Variants in CROCC2 observed in about 807,000 individuals in gnomAD.
CROCC2 encodes ciliary rootlet coiled-coil, rootletin family member 2, also known as ciliary rootlet coiled-coil protein 2.
CROCC2 carries 163 observed loss-of-function variants against 177.6 expected under a neutral mutation model. The ratio of observed to expected loss-of-function variants is 0.92; its 90% CI spans 0.81 to 1.05. The LOEUF is 1.05. Among genes scored for constraint, CROCC2 ranks in the 50% least tolerant of loss-of-function variants. The probability of loss-of-function intolerance (pLI) is 0.00; values close to 1 mark genes in which losing one functional copy is unlikely to be tolerated. For synonymous variants in CROCC2, 904 were observed against 787.3 expected (o/e 1.15, Z -2.48); for missense variants, 1,929 against 1,797.8 (o/e 1.07, Z -1.32).
intron 13 of CROCC2, 138 bp downstream of exon 13, chr2:240,935,200 T>G: frequency 7.4e-6 from 9 of 1,219,352 alleles, no homozygotes; most frequent in Non-Finnish European, 7.4e-6. Context: ...CAAGGGAGCC[T>G]GACTAGCCCT....
chr2:240,942,849 T>G (rs2059502123), intron 14 of CROCC2, among the ~76,000 whole-genome samples: 1 of 152,144 alleles, frequency 6.6e-6, no homozygotes, highest in Non-Finnish European at 1.5e-5. Context: ...TATTTTCTTT[T>G]TATTTATTGT....
intron 5 of CROCC2, among the ~76,000 whole-genome samples, chr2:240,926,389 A>C (rs1007092698): frequency 1.3e-5 from 2 of 152,188 alleles, no homozygotes; most frequent in African/African-American, 2.4e-5. Flanking sequence ...GGAGACATCC[A>C]GGTGTTCATG....
rs1207188737 is a variant in CROCC2 at position 240,933,309 on chromosome 2, A to C, written c.1430A>C (p.Gln477Pro). The stretch of plus-strand genomic sequence containing the variant: ...CTGGAGGCCCAGAGGCTCGAGGTGC[A>C]GCAGTGCCGGGCATCCTGCAAGCTC... ...GQLEAQRLEV[Q>P]QCRASCKLLG... The change falls in exon 10 of 32, where the codon CAG becomes CCG. Residue 477 changes from glutamine to proline, a missense_variant. This residue lies in a region of CROCC2 where 1,397 missense variants were observed against 1,239.9 expected (regional missense o/e 1.13). Transcript: ENST00000690015. 6.5e-7 allele frequency: 1 copy of C among 1,538,930 alleles called. No homozygotes were observed. Among genetic ancestry groups the C allele is most frequent in the Non-Finnish European group, 8.7e-7 (1 of 1,143,788 alleles).
intron 14 of CROCC2, among the ~76,000 whole-genome samples, chr2:240,941,849 A>G (rs2059496639): frequency 6.6e-6 from 1 of 152,222 alleles, no homozygotes; most frequent in Non-Finnish European, 1.5e-5. Flanking sequence ...TGGGACCTTT[A>G]AGAGGTGATT....
rs558369204 is a variant in CROCC2 at position 240,918,815 on chromosome 2, C to T, written c.168C>T (p.Thr56=). 7.4e-5 allele frequency: 46 copies of T among 620,130 alleles called. 2 individuals carry two copies. In the South Asian group the frequency reaches 8.8e-4, roughly 12 times the overall value. 38.4% of individuals were successfully genotyped at this position (620,130 alleles called of 1,614,324 possible). ...VRGEGRQASP[T]PVPTRIREIV... ...GGGAAGGCCGGCAGGCCTCGCCCAC[C>T]CCCGTGCCCACCCGCATCCGTGAGA... Residue 56 remains threonine, a synonymous_variant, in exon 2 of 32, where the codon ACC becomes ACT. Coordinates refer to ENST00000690015, the MANE Select transcript of CROCC2 (RefSeq NM_001351305.2). The surrounding 1 kb of genome is among the most constrained non-coding windows in gnomAD (Gnocchi z 6.3).
At chr2:240,930,406 G>A (rs1281563296) in intron 6 of CROCC2, 137 bp downstream of exon 6, 1 of 428,594 alleles carries the variant, frequency 2.3e-6, no homozygotes. Flanking sequence ...TTCTCACCCA[G>A]CCCTGGCTGG....
chr2:240,912,503 A>G (rs906164769), intron 1 of CROCC2, among the ~76,000 whole-genome samples: 1 of 152,182 alleles, frequency 6.6e-6, no homozygotes, highest in Non-Finnish European at 1.5e-5. Flanking sequence ...AAAGGACACA[A>G]CTCAGGACTA....
Position 240,982,635 on chromosome 2 carries a change from G to A in CROCC2, c.4402-245G>A, listed in dbSNP as rs931930533. ...CTGCCAAGCCCAAGTCTTTGCCCAC[G>A]CTAGACCAGACCCCCAGGACTTTCG... On this transcript the variant is annotated intron_variant, in intron 27 of 31. Transcript: ENST00000690015. The surrounding 1 kb of genome is among the most constrained non-coding windows in gnomAD (Gnocchi z 4.7). The A allele has an allele frequency of 2.3e-6, 1 of 439,590 alleles. No homozygotes were observed. Among genetic ancestry groups the A allele is most frequent in the Non-Finnish European group, 4.0e-6 (1 of 247,488 alleles). 27.2% of individuals were successfully genotyped at this position (439,590 alleles called of 1,614,324 possible).
rs1054895320 is a variant in CROCC2, at chr2:240,917,197, G to A, written c.79-1529G>A. On this transcript the variant is annotated intron_variant, in intron 1 of 31. Transcript: ENST00000690015. This position sits in a 1 kb window ranked among gnomAD's most constrained non-coding sequence, Gnocchi z 4.9. ...AGACCTCAGCTGATAGTGGGGAGGCGTTTGCTGAGTGGCTGCCCTTTGCAG... is the reference window on the plus strand; with the variant it reads ...AGACCTCAGCTGATAGTGGGGAGGCATTTGCTGAGTGGCTGCCCTTTGCAG... 2.6e-5 allele frequency among the ~76,000 whole-genome samples: 4 copies of A among 151,904 alleles called. No homozygotes were observed. The highest frequency in any genetic ancestry group is 2.6e-4 in the Admixed American group (4 of 15,276).
In CROCC2 at chr2:240,949,740, G is replaced by A. The variant is rs1181292936; in HGVS notation, c.2652+38G>A. ...GGAGCCCACCAGTAGCTTCCTAGAA[G>A]GCTACCAGGTCCCGGGGAATGGCAG... is the stretch of plus-strand genomic sequence containing the variant. On this transcript the variant is annotated intron_variant, in intron 17 of 31. Coordinates refer to ENST00000690015, the MANE Select transcript of CROCC2 (RefSeq NM_001351305.2). This position sits in a 1 kb window ranked among gnomAD's most constrained non-coding sequence, Gnocchi z 4.5. 1 of 1,512,186 alleles carries A rather than the reference G, an allele frequency of 6.6e-7. No individual in the cohort carries two copies. The highest frequency in any genetic ancestry group is 8.9e-7 in the Non-Finnish European group (1 of 1,123,564). The allele number at this position is 1,512,186 out of a possible 1,614,324, so 93.7% of individuals were successfully genotyped here.
chr2:240,938,423 T>C (rs2059481246), intron 14 of CROCC2, among the ~76,000 whole-genome samples: 1 of 152,268 alleles, frequency 6.6e-6, no homozygotes, highest in Non-Finnish European at 1.5e-5. Flanking sequence ...AGTCAATCTA[T>C]TCATTCTTTC....
rs2059326842 is a variant in CROCC2, at chr2:240,917,257, C to T, written c.79-1469C>T. ...GTCGGAATAGGGCCTCTCCAGGCGC[C>T]ATGCTGAGCCTGGGTCTGCGGTGAC... On this transcript the variant is annotated intron_variant, in intron 1 of 31. Transcript: ENST00000690015. This position sits in a 1 kb window ranked among gnomAD's most constrained non-coding sequence, Gnocchi z 4.9. 7.4e-6 allele frequency among the ~76,000 whole-genome samples: 1 copy of T among 136,004 alleles called. No homozygotes were observed. 89.2% of individuals were successfully genotyped at this position (136,004 alleles called of 152,430 possible).
chr2:240,911,046 G>A (rs1251343304), intron 1 of CROCC2, among the ~76,000 whole-genome samples: 17 of 152,072 alleles, frequency 1.1e-4, no homozygotes, highest in South Asian at 2.1e-4. Context: ...CAGGAGAATC[G>A]CTTGAACCCA....
At position 240,982,723 on chromosome 2, in the gene CROCC2, C is replaced by T. The variant is rs1283201170; in HGVS notation, c.4402-157C>T. 8.0e-6 allele frequency: 5 copies of T among 621,552 alleles called. No individual in the cohort carries two copies. Among genetic ancestry groups the T allele is most frequent in the South Asian group, 2.1e-5 (1 of 47,588 alleles). The allele number at this position is 621,552 out of a possible 1,614,324, so 38.5% of individuals were successfully genotyped here. On this transcript the variant is annotated intron_variant, in intron 27 of 31. Transcript: ENST00000690015. This position sits in a 1 kb window ranked among gnomAD's most constrained non-coding sequence, Gnocchi z 4.7. Reference sequence around the variant, plus strand: ...ATTGCAAACACAATCACCTGATCAACGCACTTCAGGTTGTCCTTAACCACG... The same window carrying T: ...ATTGCAAACACAATCACCTGATCAATGCACTTCAGGTTGTCCTTAACCACG...
Position 240,991,278 on chromosome 2 carries a change from A to G in CROCC2, c.4946A>G (p.His1649Arg), listed in dbSNP as rs892585255. The G allele has an allele frequency of 1.9e-6, 3 of 1,547,644 alleles. No homozygotes were observed. The highest frequency in any genetic ancestry group is 2.6e-6 in the Non-Finnish European group (3 of 1,145,446). The change falls in exon 31 of 32, where the codon CAC becomes CGC. Residue 1649 changes from histidine (H) to arginine (R), a missense_variant and splice_region_variant. Transcript: ENST00000690015. ...AHLGQAFQTG[H>R]AQRD ...CTCGGCCAGGCCTTCCAGACAGGAC[A>G]GTGAGCCCTGCTGCATACCACCCAG...
intron 19 of CROCC2, among the ~76,000 whole-genome samples, chr2:240,957,083 G>A (rs2059596017): frequency 2.0e-5 from 3 of 152,134 alleles, no homozygotes; most frequent in Non-Finnish European, 1.5e-5. Flanking sequence ...GGGTGCCCTG[G>A]GCAGGGAGGG....
chr2:240,938,616 T>C (rs7568049), intron 14 of CROCC2, among the ~76,000 whole-genome samples: 4,849 of 152,328 alleles, frequency 0.032, 252 homozygotes, highest in African/African-American at 0.11. Flanking sequence ...AATAGCCTAC[T>C]AGGAGTTTGA....
Position 240,906,969 on chromosome 2 carries a change from G to A in CROCC2, c.78+378G>A, listed in dbSNP as rs868334608. Among the ~76,000 whole-genome samples, 3 of 79,566 alleles carry A rather than the reference G, an allele frequency of 3.8e-5. 1 individual carries two copies. In the South Asian group the frequency reaches 1.2e-3, roughly 32 times the overall value. The allele number at this position is 79,566 out of a possible 152,430, so 52.2% of individuals were successfully genotyped here. A position where few individuals can be genotyped will look rare whatever the true frequency, so the allele number is the denominator to read the frequency against. On this transcript the variant is annotated intron_variant, in intron 1 of 31. Coordinates refer to ENST00000690015, the MANE Select transcript of CROCC2 (RefSeq NM_001351305.2). ...GTCCCTGGCAGCCACAGGTTTGCAGGGTGGAGAGAGAGCCCGGGGCCGCTG... is the reference window on the plus strand; with the variant it reads ...GTCCCTGGCAGCCACAGGTTTGCAGAGTGGAGAGAGAGCCCGGGGCCGCTG...
intron 18 of CROCC2, among the ~76,000 whole-genome samples, chr2:240,952,592 G>A (rs4605365): frequency 0.65 from 98,986 of 151,938 alleles, 32,934 homozygotes; most frequent in African/African-American, 0.76. Flanking sequence ...AGGACTTACA[G>A]GAGGAATGGT....
Sources: gnomAD v4.1 joint callset for allele counts (sites outside exome capture counted in the v4.1 genomes callset) on GRCh38, gnomAD v4.1.1 for gene constraint, gnomAD v4.1.1 regional missense constraint, Gnocchi (gnomAD v3.1) non-coding constraint, MANE v1.5 for transcripts, NCBI Gene and HGNC (gene_info 2026-07-23, HGNC 2026-07-21) for gene names.